Variants in SIL1 observed in about 807,000 individuals in gnomAD.
The protein encoded by SIL1 is nucleotide exchange factor SIL1.
Under a neutral mutation model 49.1 loss-of-function variants are expected in SIL1, and 40 were observed. That is an observed-to-expected ratio of 0.81 (90% CI 0.63 to 1.06). The LOEUF (loss-of-function observed/expected upper bound fraction) is 1.06. Among genes scored for constraint, SIL1 ranks in the 50% least tolerant of loss-of-function variants. SIL1 has a pLI of 0.00. For synonymous variants in SIL1, 253 were observed against 250.8 expected, an observed-to-expected ratio of 1.01 and a Z score of -0.08; for missense variants, 500 against 572.6, an observed-to-expected ratio of 0.87 and a Z score of 1.29.
intron 9 of SIL1, among the ~76,000 whole-genome samples, chr5:138,949,074 A>G (rs1766702979): frequency 6.6e-6 from 1 of 152,190 alleles, no homozygotes; most frequent in Admixed American, 6.5e-5. Context: ...AGCTCAGGGG[A>G]ATTCTCTGAT....
chr5:139,082,659 T>C (rs1042444750), intron 3 of SIL1, among the ~76,000 whole-genome samples: 1 of 152,210 alleles, frequency 6.6e-6, no homozygotes, highest in Non-Finnish European at 1.5e-5. Context: ...CTGTCATTCT[T>C]GGAAGGCAGC....
At chr5:139,128,453 AAC>A (rs1301828255) in intron 1 of SIL1, among the ~76,000 whole-genome samples, 3 of 152,106 alleles carry the variant, frequency 2.0e-5, no homozygotes, top group Non-Finnish European at 4.4e-5. Context: ...CAGCCTGAAC[AAC>A]ACAGTGAGAC....
At chr5:139,017,089 A>G (rs1768418459) in intron 7 of SIL1, 3 of 152,188 alleles carry the variant, frequency 2.0e-5, no homozygotes, top group Admixed American at 1.3e-4. Flanking sequence ...GGCTCAAGCA[A>G]TCCACCTGCC....
chr5:139,074,412 T>C (rs980884273), intron 3 of SIL1, among the ~76,000 whole-genome samples: 23 of 152,250 alleles, frequency 1.5e-4, no homozygotes, highest in Non-Finnish European at 2.8e-4. Context: ...AATTTTCCTG[T>C]CAATTTTTAA....
chr5:139,162,393 A>G (rs889058235), intron 1 of SIL1, among the ~76,000 whole-genome samples: 1 of 152,230 alleles, frequency 6.6e-6, no homozygotes, highest in African/African-American at 2.4e-5. Flanking sequence ...CCAATTCACT[A>G]AAGCTTGCTT....
intron 3 of SIL1, among the ~76,000 whole-genome samples, chr5:139,066,564 A>G (rs771760554): frequency 1.2e-4 from 18 of 152,010 alleles, no homozygotes; most frequent in Admixed American, 2.6e-4. Flanking sequence ...TTCTTTTCTA[A>G]TGACACTTCC....
At chr5:139,015,366 G>T (rs930813612) in intron 7 of SIL1, among the ~76,000 whole-genome samples, 3 of 151,994 alleles carry the variant, frequency 2.0e-5, no homozygotes, top group African/African-American at 7.2e-5. Flanking sequence ...ATCTGAGAGG[G>T]ATTTTGGAAA....
At chr5:139,030,448 G>A (rs1343903074) in intron 5 of SIL1, among the ~76,000 whole-genome samples, 3 of 151,568 alleles carry the variant, frequency 2.0e-5, no homozygotes, top group Admixed American at 1.3e-4. Context: ...CTGTACTCCC[G>A]TGTGGGCGAC....
chr5:139,084,799 A>AT (rs1044826330), intron 3 of SIL1, among the ~76,000 whole-genome samples: 1 of 151,910 alleles, frequency 6.6e-6, no homozygotes, highest in Non-Finnish European at 1.5e-5. Context: ...ATAAAAATAA[A>AT]TAAAAAAAAA....
At chr5:139,138,425 T>C (rs892915563) in intron 1 of SIL1, among the ~76,000 whole-genome samples, 2 of 152,210 alleles carry the variant, frequency 1.3e-5, no homozygotes, top group Non-Finnish European at 2.9e-5. Flanking sequence ...CAAGGGGACC[T>C]ACTCCTTATA....
chr5:139,193,850 G>C (rs1473942599), intron 1 of SIL1, among the ~76,000 whole-genome samples: 1 of 152,210 alleles, frequency 6.6e-6, no homozygotes, highest in Non-Finnish European at 1.5e-5. Context: ...TCAAGAGAGA[G>C]ATCAATGAAG....
intron 1 of SIL1, among the ~76,000 whole-genome samples, chr5:139,177,142 C>T (rs1751901500): frequency 6.6e-6 from 1 of 152,054 alleles, no homozygotes; most frequent in African/African-American, 2.4e-5. Flanking sequence ...CCATGTTAGC[C>T]GGGATGGTCT....
chr5:138,996,704 G>A (rs1183958492), intron 7 of SIL1, among the ~76,000 whole-genome samples: 1 of 151,746 alleles, frequency 6.6e-6, no homozygotes, highest in African/African-American at 2.4e-5. Flanking sequence ...GTTTTTAGTA[G>A]AGATGGGGTT....
chr5:139,197,455 A>G (rs983478088), intron 1 of SIL1, among the ~76,000 whole-genome samples: 1 of 152,174 alleles, frequency 6.6e-6, no homozygotes, highest in Non-Finnish European at 1.5e-5. Flanking sequence ...AAACGAAGCC[A>G]GGCATTTAAG....
chr5:139,047,959 C>T (rs1242096534), intron 4 of SIL1, among the ~76,000 whole-genome samples: 1 of 152,198 alleles, frequency 6.6e-6, no homozygotes, highest in Non-Finnish European at 1.5e-5. Flanking sequence ...CTACAGTTCA[C>T]ATGGACGGCT....
chr5:139,134,480 G>A (rs907190446), intron 1 of SIL1, among the ~76,000 whole-genome samples: 3 of 152,012 alleles, frequency 2.0e-5, no homozygotes, highest in Non-Finnish European at 2.9e-5. Context: ...CCCTGGACCC[G>A]CAGCCCATCA....
At chr5:139,132,074 C>T (rs1376292879) in intron 1 of SIL1, among the ~76,000 whole-genome samples, 2 of 152,180 alleles carry the variant, frequency 1.3e-5, no homozygotes, top group Admixed American at 1.3e-4. Flanking sequence ...CACACACATA[C>T]AGACACACAG....
chr5:139,161,203 A>G (rs1437167384), intron 1 of SIL1, among the ~76,000 whole-genome samples: 2 of 152,204 alleles, frequency 1.3e-5, no homozygotes, highest in African/African-American at 4.8e-5. Flanking sequence ...AGATCGCGCC[A>G]TTGCACTCCA....
chr5:139,014,383 A>G (rs1768355465), intron 7 of SIL1, among the ~76,000 whole-genome samples: 1 of 146,424 alleles, frequency 6.8e-6, no homozygotes, highest in South Asian at 2.1e-4. Context: ...AAAAAAAAAA[A>G]GAGTCAGTTT....
Sources: gnomAD v4.1 joint callset for allele counts (sites outside exome capture counted in the v4.1 genomes callset) on GRCh38, gnomAD v4.1.1 for gene constraint, MANE v1.5 for transcripts, NCBI Gene and HGNC (gene_info 2026-07-23, HGNC 2026-07-21) for gene names.